The following MED15 variants were observed in gnomAD, a reference collection of about 807,000 sequenced individuals.
MED15 encodes the protein mediator complex subunit 15.
A neutral mutation model predicts 118.7 loss-of-function variants in MED15; 41 were observed. That is an observed-to-expected ratio of 0.35 (90% CI 0.27 to 0.45). MED15 has a LOEUF of 0.45. Among genes scored for constraint, MED15 ranks in the 20% least tolerant of loss-of-function variants. The pLI is 1.00. For missense variants in MED15, 740 were observed against 1,025.5 expected (o/e 0.72, Z 3.80); for synonymous variants, 436 against 413.9 (o/e 1.05, Z -0.65).
intron 9 of MED15, among the ~76,000 whole-genome samples, chr22:20,577,120 C>G (rs898867069): frequency 5.3e-5 from 8 of 152,136 alleles, no homozygotes; most frequent in Admixed American, 2.0e-4. Context: ...ACTAAGAGTG[C>G]CCCCAGGGAG....
intron 3 of MED15, chr22:20,552,407 G>C (rs2055815261): frequency 7.1e-6 from 2 of 281,562 alleles, no homozygotes; most frequent in South Asian, 6.1e-5. Context: ...CACCAGAATG[G>C]CCAGCAAAGT....
At chr22:20,554,202 A>T (rs896579559) in intron 4 of MED15, 1 of 152,296 alleles carries the variant, frequency 6.6e-6, no homozygotes, top group African/African-American at 2.4e-5. Flanking sequence ...GCCCCTTGGC[A>T]TTGGAGCATG....
intron 4 of MED15, among the ~76,000 whole-genome samples, chr22:20,554,049 C>T (rs943690127): frequency 1.2e-4 from 18 of 152,354 alleles, no homozygotes; most frequent in Admixed American, 9.1e-4. Flanking sequence ...ACAGGCTGCA[C>T]GCCACTGTCT....
At chr22:20,552,467 G>A (rs2055818245) in intron 3 of MED15, 1 of 372,258 alleles carries the variant, frequency 2.7e-6, no homozygotes, top group Admixed American at 3.8e-5. Context: ...ACTGGGATGT[G>A]TAAGAGGAGA....
In MED15 at chr22:20,574,568, G is replaced by A. The variant is rs542815539; in HGVS notation, c.1153-545G>A. 5 of 153,254 alleles carry A rather than the reference G, an allele frequency of 3.3e-5. No homozygotes were observed. In the East Asian group the frequency reaches 9.6e-4, roughly 29 times the overall value. The allele number at this position is 153,254 out of a possible 1,614,324, so 9.5% of individuals were successfully genotyped here. ...ATAGATACCAGGACCATCAGCCTCA[G>A]GCCTGGAGGAGGAGAGGAGGATGAT... On this transcript the variant is annotated intron_variant, in intron 8 of 17. Coordinates refer to ENST00000263205, the MANE Select transcript of MED15 (RefSeq NM_001003891.3).
chr22:20,526,839 G>A (rs2054663570), intron 1 of MED15, among the ~76,000 whole-genome samples: 1 of 152,214 alleles, frequency 6.6e-6, no homozygotes, highest in Non-Finnish European at 1.5e-5. Flanking sequence ...TGTCTGCCCA[G>A]ACTGGGACTG....
intron 13 of MED15, chr22:20,584,018 G>A (rs183051346): frequency 1.2e-3 from 436 of 353,336 alleles, no homozygotes; most frequent in Non-Finnish European, 2.1e-3. Context: ...GTCACTATTG[G>A]GTGGTCCTCC....
chr22:20,558,403 C>T (rs1169115661), intron 5 of MED15, among the ~76,000 whole-genome samples: 1 of 151,992 alleles, frequency 6.6e-6, no homozygotes, highest in African/African-American at 2.4e-5. Context: ...TTCAGGTGAC[C>T]CAGGTTAGTC....
At chr22:20,554,233 T>C (rs374514627) in intron 4 of MED15, 23 of 152,368 alleles carry the variant, frequency 1.5e-4, no homozygotes, top group East Asian at 5.8e-4. Flanking sequence ...TACCACCCAG[T>C]TGTGTGGCAT....
chr22:20,535,119 G>A (rs904559153), intron 1 of MED15, among the ~76,000 whole-genome samples: 3 of 151,662 alleles, frequency 2.0e-5, no homozygotes, highest in Admixed American at 6.6e-5. Context: ...CACCACACCC[G>A]ACTAATTTTT....
At chr22:20,554,703 G>C in intron 4 of MED15, 1 of 430,944 alleles carries the variant, frequency 2.3e-6, no homozygotes, top group Non-Finnish European at 4.1e-6. Context: ...TTAACATTAG[G>C]ACTCTGGTCC....
chr22:20,537,766 G>A (rs909418037), intron 2 of MED15, among the ~76,000 whole-genome samples: 5 of 152,232 alleles, frequency 3.3e-5, no homozygotes, highest in African/African-American at 7.2e-5. Flanking sequence ...TAATCTGTGT[G>A]TGCTCCCTGG....
At chr22:20,563,188 T>C (rs1352907801) in intron 5 of MED15, among the ~76,000 whole-genome samples, 1 of 152,222 alleles carries the variant, frequency 6.6e-6, no homozygotes, top group Non-Finnish European at 1.5e-5. Flanking sequence ...AACTCAGCAG[T>C]TACACTCTTG....
At chr22:20,578,045 C>T (rs1366106680) in intron 9 of MED15, among the ~76,000 whole-genome samples, 2 of 152,154 alleles carry the variant, frequency 1.3e-5, no homozygotes, top group African/African-American at 4.8e-5. Flanking sequence ...CTGCCTCAGC[C>T]TCTCGAGTAG....
At chr22:20,560,629 C>G (rs1338497896) in intron 5 of MED15, among the ~76,000 whole-genome samples, 1 of 152,148 alleles carries the variant, frequency 6.6e-6, no homozygotes, top group African/African-American at 2.4e-5. Context: ...TTGCTGGGCT[C>G]AGGCGATCTG....
chr22:20,515,262 C>G (rs1391138476), intron 1 of MED15, among the ~76,000 whole-genome samples: 1 of 152,184 alleles, frequency 6.6e-6, no homozygotes, highest in East Asian at 1.9e-4. Context: ...TTCATGCTTT[C>G]TTTGTCAGTA....
At chr22:20,578,769 C>CA (rs1245489502) in intron 9 of MED15, among the ~76,000 whole-genome samples, 2 of 152,208 alleles carry the variant, frequency 1.3e-5, no homozygotes, top group Non-Finnish European at 2.9e-5. Context: ...CAGCAGGACA[C>CA]AGTCTGGAGA....
At chr22:20,541,194 A>G (rs538949754) in intron 2 of MED15, among the ~76,000 whole-genome samples, 1 of 152,244 alleles carries the variant, frequency 6.6e-6, no homozygotes, top group Admixed American at 6.5e-5. Context: ...AGCCAAGATC[A>G]TGCCACTGCA....
intron 4 of MED15, among the ~76,000 whole-genome samples, chr22:20,553,376 T>C (rs1462623947): frequency 6.6e-6 from 1 of 152,194 alleles, no homozygotes; most frequent in African/African-American, 2.4e-5. Context: ...TGAAGTCGCA[T>C]GATCCTCCCC....
Sources: gnomAD v4.1 joint callset for allele counts (sites outside exome capture counted in the v4.1 genomes callset) on GRCh38, gnomAD v4.1.1 for gene constraint, MANE v1.5 for transcripts, NCBI Gene and HGNC (gene_info 2026-07-23, HGNC 2026-07-21) for gene names.